The following ATP6V1C2 variants were observed in gnomAD, a reference collection of about 807,000 sequenced individuals.
ATP6V1C2 encodes V-type proton ATPase subunit C 2.
Under a neutral mutation model 56.8 loss-of-function variants are expected in ATP6V1C2, and 45 were observed. That is an observed-to-expected ratio of 0.79 (90% CI 0.62 to 1.02). The LOEUF is 1.02. Among genes scored for constraint, ATP6V1C2 ranks in the 50% least tolerant of loss-of-function variants. The probability of loss-of-function intolerance (pLI) is 0.00; values close to 1 mark genes in which losing one functional copy is unlikely to be tolerated. For missense variants in ATP6V1C2, 463 were observed against 519.7 expected, an observed-to-expected ratio of 0.89 and a Z score of 1.06; for synonymous variants, 220 against 201.3, an observed-to-expected ratio of 1.09 and a Z score of -0.79.
chr2:10,767,569 T>C (rs1201729455), intron 5 of ATP6V1C2, among the ~76,000 whole-genome samples: 3 of 152,194 alleles, frequency 2.0e-5, no homozygotes, highest in Non-Finnish European at 4.4e-5. Context: ...GCAATTCTCC[T>C]GCCTCAGCCT....
intron 9 of ATP6V1C2, 34 bp from the exon 10 acceptor site, chr2:10,774,944 T>G (rs1285669313): frequency 6.2e-7 from 1 of 1,612,630 alleles, no homozygotes; most frequent in East Asian, 2.2e-5. Flanking sequence ...CTGGAAAGCT[T>G]CTGAGTGAAA....
At chr2:10,764,481 G>A in intron 5 of ATP6V1C2, 56 bp downstream of exon 5, 1 of 1,480,396 alleles carries the variant, frequency 6.8e-7, no homozygotes, top group Middle Eastern at 1.9e-4. Context: ...GCGGGCAAGA[G>A]CCTGGGTAGG....
At chr2:10,733,890 A>G (rs1284930688) in intron 3 of ATP6V1C2, among the ~76,000 whole-genome samples, 2 of 100,838 alleles carry the variant, frequency 2.0e-5, no homozygotes, top group Non-Finnish European at 3.7e-5. Context: ...CTTTACCCAC[A>G]TGGTTCCATG....
chr2:10,745,093 G>A (rs1187961867), intron 3 of ATP6V1C2, among the ~76,000 whole-genome samples: 1 of 128,738 alleles, frequency 7.8e-6, no homozygotes, highest in Non-Finnish European at 1.6e-5. Flanking sequence ...TGCCCAGGCT[G>A]GAGTGCAATG....
At chr2:10,741,212 G>C (rs1446816103) in intron 3 of ATP6V1C2, among the ~76,000 whole-genome samples, 3 of 152,226 alleles carry the variant, frequency 2.0e-5, no homozygotes, top group East Asian at 3.9e-4. Context: ...TTAAAGCATG[G>C]TGTGTCTGTG....
At chr2:10,740,966 C>T (rs891472583) in intron 3 of ATP6V1C2, among the ~76,000 whole-genome samples, 6 of 152,330 alleles carry the variant, frequency 3.9e-5, no homozygotes, top group Admixed American at 6.5e-5. Context: ...GGATTACAGG[C>T]GTGAGCCACC....
intron 3 of ATP6V1C2, among the ~76,000 whole-genome samples, chr2:10,749,046 C>T (rs1321545831): frequency 1.4e-4 from 21 of 148,816 alleles, no homozygotes; most frequent in African/African-American, 5.2e-4. Context: ...AGGAGAATCA[C>T]TTGAACCCGG....
At chr2:10,767,911 A>G (rs1664334752) in intron 5 of ATP6V1C2, 2 of 152,192 alleles carry the variant, frequency 1.3e-5, no homozygotes, top group African/African-American at 4.8e-5. Flanking sequence ...CCAAAAGGTA[A>G]CCAATGTTTA....
At chr2:10,770,899 A>G (rs1171122696) in intron 6 of ATP6V1C2, among the ~76,000 whole-genome samples, 1 of 152,232 alleles carries the variant, frequency 6.6e-6, no homozygotes, top group Non-Finnish European at 1.5e-5. Flanking sequence ...GCACTTGCAG[A>G]GCTCACAGTT....
chr2:10,757,365 C>G (rs543195997), intron 4 of ATP6V1C2: 1 of 398,342 alleles, frequency 2.5e-6, no homozygotes, highest in Non-Finnish European at 4.4e-6. Flanking sequence ...GTTCCTACCC[C>G]ACCTGTGATC....
intron 12 of ATP6V1C2, among the ~76,000 whole-genome samples, chr2:10,781,625 G>A (rs1345162434): frequency 6.6e-6 from 1 of 152,190 alleles, no homozygotes; most frequent in Non-Finnish European, 1.5e-5. Flanking sequence ...TGGGGATCCC[G>A]AGGGAACATA....
chr2:10,731,125 T>G (rs1293743317), intron 3 of ATP6V1C2, among the ~76,000 whole-genome samples: 2 of 151,952 alleles, frequency 1.3e-5, no homozygotes, highest in African/African-American at 2.4e-5. Context: ...ATTTTAAAAT[T>G]TTTTGTAGAG....
At chr2:10,744,961 A>T (rs1334792219) in intron 3 of ATP6V1C2, among the ~76,000 whole-genome samples, 4 of 149,064 alleles carry the variant, frequency 2.7e-5, no homozygotes, top group Non-Finnish European at 4.4e-5. Context: ...GAGCCATCGC[A>T]CCCGGCCTAT....
At chr2:10,778,538 C>A in intron 11 of ATP6V1C2, 34 bp from the exon 12 acceptor site, 1 of 1,603,142 alleles carries the variant, frequency 6.2e-7, no homozygotes, top group African/African-American at 1.3e-5. Flanking sequence ...GCGGGGTGTT[C>A]AGCAGGGGTC....
chr2:10,782,405 C>T lies in ATP6V1C2; in HGVS notation c.1194+30C>T, dbSNP rs368619239. ...GTATCCAGAAACAGCAGTATTTCTA[C>T]AGTAAGCTCAGCATCTTACTTTCAA... On this transcript the variant is annotated intron_variant, in intron 13 of 13. Transcript: ENST00000272238. The T allele has an allele frequency of 6.2e-6, 10 of 1,610,470 alleles. No homozygotes were observed. The African/African-American group carries it at 1.1e-4, about 17-fold the overall frequency.
intron 12 of ATP6V1C2, among the ~76,000 whole-genome samples, chr2:10,781,667 T>C (rs1030316183): frequency 6.6e-6 from 1 of 152,086 alleles, no homozygotes; most frequent in Non-Finnish European, 1.5e-5. Flanking sequence ...GATCCTTTGC[T>C]CCCTCAGAGT....
rs1162060683 is a variant in ATP6V1C2, at chr2:10,779,689, A to G, written c.1061+1020A>G. The stretch of plus-strand genomic sequence containing the variant: ...CAACAAGAGAAACTCCGGCTATAGA[A>G]AAAAAAAAAAAAAAAAAACTTCACT... On this transcript the variant is annotated intron_variant, in intron 12 of 13. Transcript: ENST00000272238. Among the ~76,000 whole-genome samples, 4 of 142,300 alleles carry G rather than the reference A, an allele frequency of 2.8e-5. No individual in the cohort carries two copies. In the East Asian group the frequency reaches 8.1e-4, roughly 29 times the overall value. 93.4% of individuals were successfully genotyped at this position (142,300 alleles called of 152,430 possible).
At chr2:10,741,197 G>A (rs913010209) in intron 3 of ATP6V1C2, among the ~76,000 whole-genome samples, 1 of 152,244 alleles carries the variant, frequency 6.6e-6, no homozygotes, top group Admixed American at 6.5e-5. Flanking sequence ...AAGCCAAGTT[G>A]GAATTTAAAG....
chr2:10,739,971 G>GTACACCT (rs2148431393), intron 3 of ATP6V1C2, among the ~76,000 whole-genome samples: 1 of 676 alleles, frequency 1.5e-3, no homozygotes, highest in East Asian at 0.5. Context: ...GCTTGGTGGT[G>GTACACCT]GGCAAGCTTG....
Sources: gnomAD v4.1 joint callset for allele counts (sites outside exome capture counted in the v4.1 genomes callset) on GRCh38, gnomAD v4.1.1 for gene constraint, MANE v1.5 for transcripts, NCBI Gene and HGNC (gene_info 2026-07-23, HGNC 2026-07-21) for gene names.